TUT4: variants seen among roughly 807,000 people sequenced by gnomAD.
The protein encoded by TUT4 is terminal uridylyl transferase 4.
A neutral mutation model predicts 192.2 loss-of-function variants in TUT4; 36 were observed. That is an observed-to-expected ratio of 0.19 (90% CI 0.14 to 0.25). The LOEUF (loss-of-function observed/expected upper bound fraction) is 0.25, where lower values mean the gene tolerates loss of function less well. Among genes scored for constraint, TUT4 ranks in the 10% least tolerant of loss-of-function variants. The pLI is 1.00. For synonymous variants in TUT4, 618 were observed against 666.0 expected, an observed-to-expected ratio of 0.93 and a Z score of 1.11; for missense variants, 1,493 against 1,957.2, an observed-to-expected ratio of 0.76 and a Z score of 4.47.
intron 24 of TUT4, among the ~76,000 whole-genome samples, chr1:52,442,718 A>T (rs1349470762): frequency 6.6e-6 from 1 of 152,188 alleles, no homozygotes; most frequent in Non-Finnish European, 1.5e-5. Context: ...AGATAACCTA[A>T]ATGTCCATCA....
intron 28 of TUT4, among the ~76,000 whole-genome samples, chr1:52,429,010 T>G (rs1224825317): frequency 5.3e-5 from 8 of 151,968 alleles, no homozygotes; most frequent in Non-Finnish European, 1.0e-4. Flanking sequence ...ACTGTTAAAG[T>G]TGGTTAATGG....
At chr1:52,443,001 C>T (rs935017151) in intron 24 of TUT4, among the ~76,000 whole-genome samples, 2 of 152,118 alleles carry the variant, frequency 1.3e-5, no homozygotes, top group African/African-American at 2.4e-5. Flanking sequence ...TAAAAAGTCT[C>T]GGAAAGGCAC....
At chr1:52,431,688 G>A (rs771723274) in intron 27 of TUT4, 21 of 318,176 alleles carry the variant, frequency 6.6e-5, no homozygotes, top group Admixed American at 2.2e-4. Context: ...GGTTCCCATC[G>A]TGCAGAACAC....
intron 1 of TUT4, among the ~76,000 whole-genome samples, chr1:52,542,975 G>A (rs546040021): frequency 5.3e-5 from 8 of 151,996 alleles, no homozygotes; most frequent in East Asian, 1.9e-4. Context: ...GGCTGGTCTC[G>A]AACTCCTGAC....
At chr1:52,540,876 C>T (rs1449003968) in intron 1 of TUT4, among the ~76,000 whole-genome samples, 2 of 152,108 alleles carry the variant, frequency 1.3e-5, no homozygotes, top group South Asian at 4.1e-4. Flanking sequence ...ATACATGCAT[C>T]GTTAAGATTA....
chr1:52,444,979 GTGTATATATA>G (rs1162735318), intron 24 of TUT4, among the ~76,000 whole-genome samples: 1 of 143,566 alleles, frequency 7.0e-6, no homozygotes, highest in Non-Finnish European at 1.6e-5. Context: ...ATGTATATGT[GTGTATATATA>G]TGTATATACA....
chr1:52,439,637 G>C (rs1047255659), intron 24 of TUT4, among the ~76,000 whole-genome samples: 1 of 152,160 alleles, frequency 6.6e-6, no homozygotes, highest in African/African-American at 2.4e-5. Flanking sequence ...AACAAGTATT[G>C]GTGAGGATGC....
chr1:52,521,819 C>G (rs567075346), intron 2 of TUT4, among the ~76,000 whole-genome samples: 1 of 152,050 alleles, frequency 6.6e-6, no homozygotes, highest in East Asian at 1.9e-4. Context: ...CAAAAATTAG[C>G]CAGGTGTGGT....
At chr1:52,461,342 C>T in intron 18 of TUT4, 119 bp from the exon 19 acceptor site, 2 of 1,127,652 alleles carry the variant, frequency 1.8e-6, no homozygotes, top group African/African-American at 1.6e-5. Context: ...TGTAAAACAC[C>T]TATTAATGAG....
At chr1:52,505,830 G>T (rs1267616852) in intron 4 of TUT4, among the ~76,000 whole-genome samples, 3 of 151,158 alleles carry the variant, frequency 2.0e-5, no homozygotes, top group East Asian at 2.0e-4. Flanking sequence ...AATGAGCGGG[G>T]TTTTTTTTGT....
At chr1:52,468,107 A>G (rs1664740525) in intron 15 of TUT4, 74 bp downstream of exon 15, 2 of 1,118,440 alleles carry the variant, frequency 1.8e-6, no homozygotes, top group East Asian at 5.0e-5. Context: ...TTCAATAAAT[A>G]TTTTTAAATA....
At chr1:52,481,256 T>C (rs1372742356) in intron 11 of TUT4, among the ~76,000 whole-genome samples, 167 bp downstream of exon 11, 1 of 152,172 alleles carries the variant, frequency 6.6e-6, no homozygotes, top group Non-Finnish European at 1.5e-5. Context: ...TAGAGAATCT[T>C]GGTACTGAAA....
chr1:52,442,343 ATATACT>A (rs959995563), intron 24 of TUT4, among the ~76,000 whole-genome samples: 5 of 152,128 alleles, frequency 3.3e-5, no homozygotes, highest in East Asian at 1.9e-4. Flanking sequence ...AGGACAGGAA[ATATACT>A]TATCTTTATC....
intron 1 of TUT4, among the ~76,000 whole-genome samples, chr1:52,536,961 C>T (rs573298971): frequency 1.3e-5 from 2 of 152,268 alleles, no homozygotes; most frequent in South Asian, 2.1e-4. Context: ...GTCAGGAGAT[C>T]GAGACCACCC....
chr1:52,483,810 T>C (rs1188458346), intron 9 of TUT4, among the ~76,000 whole-genome samples: 3 of 152,104 alleles, frequency 2.0e-5, no homozygotes, highest in Non-Finnish European at 2.9e-5. Context: ...AAAAAATTTA[T>C]ATATACATTT....
chr1:52,438,421 T>G, intron 24 of TUT4, 86 bp from the exon 25 acceptor site: 1 of 871,088 alleles, frequency 1.1e-6, no homozygotes, highest in African/African-American at 1.7e-5. Context: ...GCAAACATGG[T>G]TTATTTTTAC....
In TUT4 at chr1:52,540,487, C is replaced by G. The variant is rs147328735; in HGVS notation, c.-94+12444G>C. On this transcript the variant is annotated intron_variant, in intron 1 of 29. Transcript: ENST00000257177. Reference sequence around the variant, plus strand: ...CTAAGATCGCACCACTGCACTCCAGCCTGGGCGAAAGAGCAAGACTCCGAC... The same window carrying G: ...CTAAGATCGCACCACTGCACTCCAGGCTGGGCGAAAGAGCAAGACTCCGAC... Among the ~76,000 whole-genome samples the G allele has an allele frequency of 8.6e-3, 1,293 of 149,652 alleles. 22 individuals are homozygous for G. Among genetic ancestry groups the G allele is most frequent in the African/African-American group, 0.03 (1,225 of 40,514 alleles).
At chr1:52,513,312 G>A (rs116264526) in intron 3 of TUT4, among the ~76,000 whole-genome samples, 2,737 of 147,188 alleles carry the variant, frequency 0.019, 85 homozygotes, top group African/African-American at 0.066. Flanking sequence ...TTAGGTACCT[G>A]AGCCTGGGAG....
chr1:52,475,879 C>T (rs543522390), intron 12 of TUT4, among the ~76,000 whole-genome samples: 191 of 151,806 alleles, frequency 1.3e-3, no homozygotes, highest in Admixed American at 3.1e-3. Flanking sequence ...GAGTCTTGCT[C>T]TGTCCCCCAA....
Sources: gnomAD v4.1 joint callset for allele counts (sites outside exome capture counted in the v4.1 genomes callset) on GRCh38, gnomAD v4.1.1 for gene constraint, MANE v1.5 for transcripts, NCBI Gene and HGNC (gene_info 2026-07-23, HGNC 2026-07-21) for gene names.